RBFOX1: variants seen among roughly 807,000 people sequenced by gnomAD.
RBFOX1 encodes the protein RNA binding fox-1 homolog 1.
In RBFOX1, 8 loss-of-function variants were observed where a neutral mutation model predicts 57.7. The ratio of observed to expected loss-of-function variants is 0.14; its 90% CI spans 0.08 to 0.25. RBFOX1 has a LOEUF of 0.25. Ranked by LOEUF, RBFOX1 falls within the 10% of genes least tolerant of loss-of-function variation. The pLI is 1.00. For synonymous variants in RBFOX1, 326 were observed against 222.4 expected, an observed-to-expected ratio of 1.47 and a Z score of -4.15; for missense variants, 611 against 548.5, an observed-to-expected ratio of 1.11 and a Z score of -1.14.
chr16:6,560,671 C>T (rs1417589429), intron 2 of RBFOX1, among the ~76,000 whole-genome samples: 1 of 152,148 alleles, frequency 6.6e-6, no homozygotes, highest in African/African-American at 2.4e-5. Flanking sequence ...ACTTACATTT[C>T]AAATGAATAA....
intron 10 of RBFOX1, among the ~76,000 whole-genome samples, chr16:7,609,890 T>C (rs2057090941): frequency 6.6e-6 from 1 of 151,954 alleles, no homozygotes; most frequent in African/African-American, 2.4e-5. Context: ...CGGTCTCAGT[T>C]CACTGCAAGC....
intron 4 of RBFOX1, among the ~76,000 whole-genome samples, chr16:5,922,955 C>T (rs1346307565): frequency 2.6e-5 from 4 of 152,174 alleles, no homozygotes; most frequent in African/African-American, 9.7e-5. Context: ...CTCTTCCTTT[C>T]TTCCCAAGTT....
At chr16:7,363,539 C>T (rs940624582) in intron 4 of RBFOX1, among the ~76,000 whole-genome samples, 4 of 151,992 alleles carry the variant, frequency 2.6e-5, no homozygotes, top group Non-Finnish European at 4.4e-5. Context: ...GGCCTCTCAG[C>T]CTGGCAAAGT....
chr16:6,805,412 G>C (rs900599310), intron 3 of RBFOX1, among the ~76,000 whole-genome samples: 11 of 152,166 alleles, frequency 7.2e-5, no homozygotes, highest in African/African-American at 2.7e-4. Context: ...GGAGGAGGGA[G>C]AAGAGCAGAA....
chr16:6,221,809 C>G (rs190638239), intron 1 of RBFOX1, among the ~76,000 whole-genome samples: 132 of 152,264 alleles, frequency 8.7e-4, no homozygotes, highest in Admixed American at 1.4e-3. Context: ...AACTTAGTAA[C>G]TACCACAAGA....
intron 2 of RBFOX1, among the ~76,000 whole-genome samples, chr16:6,630,012 T>C (rs1453713570): frequency 6.8e-6 from 1 of 146,772 alleles, no homozygotes; most frequent in Admixed American, 7.0e-5. Flanking sequence ...AGGAGAAAAA[T>C]GGAAAGATTA....
chr16:7,440,054 T>A (rs2098754407), intron 4 of RBFOX1, among the ~76,000 whole-genome samples: 1 of 149,286 alleles, frequency 6.7e-6, no homozygotes, highest in Admixed American at 6.8e-5. Context: ...CGGGTTCAGG[T>A]GATCCTCCCA....
At chr16:7,370,935 A>G (rs1383316650) in intron 4 of RBFOX1, among the ~76,000 whole-genome samples, 2 of 152,236 alleles carry the variant, frequency 1.3e-5, no homozygotes, top group Admixed American at 1.3e-4. Context: ...GGTGAGTGGA[A>G]TACTGATGCA....
intron 4 of RBFOX1, among the ~76,000 whole-genome samples, chr16:7,288,033 C>G (rs1485431171): frequency 1.3e-5 from 2 of 152,108 alleles, no homozygotes; most frequent in Admixed American, 6.5e-5. Flanking sequence ...CTGTTTTCCT[C>G]ATGTTCTGTA....
rs151285739 is a variant in RBFOX1 at position 7,275,751 on chromosome 16, A to T, written c.27+223653A>T. Among the ~76,000 whole-genome samples the T allele has an allele frequency of 3.3e-5, 5 of 152,378 alleles. No homozygotes were observed. The East Asian group carries it at 9.6e-4, about 29-fold the overall frequency. On this transcript the variant is annotated intron_variant, in intron 4 of 15. Transcript: ENST00000550418. ...GATGGCATATGCCACAAGCATCAAA[A>T]TATCCACTTTGTGACCTTCAGGCTT...
In RBFOX1 at chr16:5,336,864, G is replaced by A. The variant is rs184444846; in HGVS notation, c.219+96759G>A. 3.0e-3 allele frequency among the ~76,000 whole-genome samples: 457 copies of A among 152,290 alleles called. 3 individuals are homozygous for A. The highest frequency in any genetic ancestry group is 0.011 in the African/African-American group (441 of 41,546). ...TTTAAAAGACTTGTTTATCCTTTCA[G>A]ATGCCAGAGCTGATGGATTTGTATG... On this transcript the variant is annotated intron_variant, in intron 1 of 2. Coordinates refer to the RBFOX1 transcript ENST00000585867.
chr16:5,587,667 C>CAA (rs2046876768), intron 2 of RBFOX1, among the ~76,000 whole-genome samples: 1 of 152,158 alleles, frequency 6.6e-6, no homozygotes, highest in Non-Finnish European at 1.5e-5. Context: ...GAGCCAAGAT[C>CAA]GCGGCACTGT....
At chr16:5,951,533 A>T (rs1309791004) in intron 4 of RBFOX1, among the ~76,000 whole-genome samples, 1 of 152,184 alleles carries the variant, frequency 6.6e-6, no homozygotes, top group African/African-American at 2.4e-5. Flanking sequence ...GCATGTGTAT[A>T]TAAGCTGCTG....
chr16:7,420,938 T>TATACACACATATATATAC (rs1400319463), intron 4 of RBFOX1, among the ~76,000 whole-genome samples: 1 of 140,130 alleles, frequency 7.1e-6, no homozygotes, highest in Admixed American at 7.3e-5. Flanking sequence ...CATATATATA[T>TATACACACATATATATAC]ACACACACAC....
intron 1 of RBFOX1, among the ~76,000 whole-genome samples, chr16:5,373,509 C>A (rs1387660044): frequency 2.0e-5 from 3 of 152,164 alleles, no homozygotes; most frequent in African/African-American, 7.2e-5. Flanking sequence ...GCACCTGTTC[C>A]CTCTTTGCCT....
intron 4 of RBFOX1, among the ~76,000 whole-genome samples, chr16:7,213,850 C>G (rs554523350): frequency 6.6e-6 from 1 of 152,282 alleles, no homozygotes; most frequent in Non-Finnish European, 1.5e-5. Flanking sequence ...TGAAAAAGTC[C>G]TGCCCAGCAA....
chr16:6,079,400 C>G (rs1057335606), intron 1 of RBFOX1, among the ~76,000 whole-genome samples: 3 of 152,214 alleles, frequency 2.0e-5, no homozygotes, highest in Non-Finnish European at 4.4e-5. Flanking sequence ...CAGCCTTGAC[C>G]TCCTGGCCTC....
intron 3 of RBFOX1, among the ~76,000 whole-genome samples, chr16:6,891,495 G>C (rs896802758): frequency 6.6e-6 from 1 of 151,756 alleles, no homozygotes; most frequent in African/African-American, 2.4e-5. Context: ...GGAGAGGAGA[G>C]GGGAAGATAT....
rs577677949 is a variant in RBFOX1 at position 6,933,788 on chromosome 16, A to G, written c.-15-118269A>G. Among the ~76,000 whole-genome samples, 186 of 152,224 alleles carry G rather than the reference A, an allele frequency of 1.2e-3. 1 individual carries two copies. The highest frequency in any genetic ancestry group is 1.8e-3 in the Non-Finnish European group (125 of 68,042). On this transcript the variant is annotated intron_variant, in intron 3 of 15. Coordinates refer to ENST00000550418, the MANE Select transcript of RBFOX1 (RefSeq NM_018723.4). ...GTATGGTCAGAACATTTTCCAAACT[A>G]GTGTTCATTTTCTATATCCAAAATT... is the stretch of plus-strand genomic sequence containing the variant.
Sources: gnomAD v4.1 joint callset for allele counts (sites outside exome capture counted in the v4.1 genomes callset) on GRCh38, gnomAD v4.1.1 for gene constraint, MANE v1.5 for transcripts, NCBI Gene and HGNC (gene_info 2026-07-23, HGNC 2026-07-21) for gene names.